The following PDE4D variants were observed in gnomAD, a reference collection of about 807,000 sequenced individuals.
The protein encoded by PDE4D is phosphodiesterase 4D.
PDE4D carries 24 observed loss-of-function variants against 87.4 expected under a neutral mutation model. That is an observed-to-expected ratio of 0.27 (90% confidence interval 0.20 to 0.39). The LOEUF (loss-of-function observed/expected upper bound fraction) is 0.39. PDE4D is among the 10% of genes least tolerant of loss of function. PDE4D has a pLI of 1.00. For missense variants in PDE4D, 714 were observed against 1,041.0 expected (o/e 0.69, Z 4.32); for synonymous variants, 384 against 383.2 (o/e 1.00, Z -0.02).
chr5:60,387,545 C>T (rs1762275035), intron 1 of PDE4D, among the ~76,000 whole-genome samples: 1 of 152,190 alleles, frequency 6.6e-6, no homozygotes, highest in African/African-American at 2.4e-5. Flanking sequence ...GTGACAGGGG[C>T]AGAGATGCCT....
upstream of PDE4D, chr5:60,490,084 C>G (rs1749449018): frequency 6.6e-6 from 1 of 152,218 alleles, no homozygotes; most frequent in Non-Finnish European, 1.5e-5. Context: ...CAATATACAA[C>G]TGAGTTACAG....
chr5:59,420,707 CAAG>C (rs1288498306), intron 1 of PDE4D, among the ~76,000 whole-genome samples: 2 of 124,362 alleles, frequency 1.6e-5, no homozygotes, highest in Non-Finnish European at 3.5e-5. Flanking sequence ...AAAAAAAAAA[CAAG>C]AAAAGAAAAT....
intron 1 of PDE4D, among the ~76,000 whole-genome samples, chr5:59,325,927 C>T (rs1775555575): frequency 1.3e-5 from 2 of 151,996 alleles, no homozygotes; most frequent in Admixed American, 6.6e-5. Context: ...CCATGGAATG[C>T]TATGCAGCCA....
At chr5:59,812,949 G>A (rs1471007102) in intron 1 of PDE4D, among the ~76,000 whole-genome samples, 1 of 152,238 alleles carries the variant, frequency 6.6e-6, no homozygotes, top group Non-Finnish European at 1.5e-5. Context: ...TCAGGCTGCT[G>A]TATTTCATTT....
At chr5:60,400,143 A>G (rs913760276) in intron 1 of PDE4D, among the ~76,000 whole-genome samples, 3 of 152,188 alleles carry the variant, frequency 2.0e-5, no homozygotes, top group Non-Finnish European at 4.4e-5. Context: ...TCACAAAGTG[A>G]CCACTGCCTC....
intron 2 of PDE4D, among the ~76,000 whole-genome samples, chr5:60,116,071 T>C (rs1355972669): frequency 6.6e-6 from 1 of 152,114 alleles, no homozygotes; most frequent in Non-Finnish European, 1.5e-5. Flanking sequence ...CCTGCCACAA[T>C]GCTTGGACTA....
At chr5:60,418,784 T>C (rs187716744) in intron 1 of PDE4D, among the ~76,000 whole-genome samples, 3 of 152,156 alleles carry the variant, frequency 2.0e-5, no homozygotes, top group Non-Finnish European at 4.4e-5. Flanking sequence ...AGTTACTAAC[T>C]CTAGTCACCC....
At chr5:59,196,846 A>G (rs572814135) in intron 2 of PDE4D, among the ~76,000 whole-genome samples, 11 of 152,182 alleles carry the variant, frequency 7.2e-5, no homozygotes, top group Non-Finnish European at 1.5e-4. Context: ...TGGGAGGTAT[A>G]TTACACAAGG....
At chr5:59,729,644 T>C (rs955683892) in intron 1 of PDE4D, among the ~76,000 whole-genome samples, 2 of 152,034 alleles carry the variant, frequency 1.3e-5, no homozygotes, top group Non-Finnish European at 2.9e-5. Flanking sequence ...TCACTTAGTA[T>C]ATTTTAACTA....
intron 1 of PDE4D, among the ~76,000 whole-genome samples, chr5:60,315,625 AC>A: frequency 6.6e-6 from 1 of 152,340 alleles, no homozygotes; most frequent in South Asian, 2.1e-4. Context: ...TTTAGGTCTA[AC>A]ATTTAAGTCT....
chr5:59,751,823 T>A (rs1014934304), intron 1 of PDE4D, among the ~76,000 whole-genome samples: 6 of 152,138 alleles, frequency 3.9e-5, no homozygotes, highest in African/African-American at 1.4e-4. Flanking sequence ...CTCTCCCTGC[T>A]GAAATCTCCC....
At chr5:59,860,429 A>T (rs1306662339) in intron 1 of PDE4D, among the ~76,000 whole-genome samples, 2 of 151,814 alleles carry the variant, frequency 1.3e-5, no homozygotes, top group Non-Finnish European at 2.9e-5. Flanking sequence ...CCACTAAGTG[A>T]TTTTTTTCTA....
chr5:58,980,760 G>C (rs769508590), intron 11 of PDE4D, among the ~76,000 whole-genome samples: 3 of 152,066 alleles, frequency 2.0e-5, no homozygotes, highest in Non-Finnish European at 4.4e-5. Context: ...TTCTCTCTCT[G>C]TATTAATCAT....
chr5:60,363,305 A>C (rs1760238912), intron 1 of PDE4D, among the ~76,000 whole-genome samples: 1 of 152,194 alleles, frequency 6.6e-6, no homozygotes, highest in South Asian at 2.1e-4. Flanking sequence ...TTTGCTGCTC[A>C]AATCATGTAG....
chr5:59,705,799 T>C (rs1306483894), intron 1 of PDE4D, among the ~76,000 whole-genome samples: 1 of 152,166 alleles, frequency 6.6e-6, no homozygotes, highest in East Asian at 1.9e-4. Flanking sequence ...CTTGACATAG[T>C]AATCCATTGA....
intron 2 of PDE4D, among the ~76,000 whole-genome samples, chr5:60,098,248 A>T (rs746513682): frequency 2.0e-5 from 3 of 151,890 alleles, no homozygotes; most frequent in Non-Finnish European, 4.4e-5. Context: ...TAGGAAAACT[A>T]TAGTTAACAA....
chr5:59,471,277 G>A (rs1802400798), intron 1 of PDE4D, among the ~76,000 whole-genome samples: 1 of 152,080 alleles, frequency 6.6e-6, no homozygotes, highest in African/African-American at 2.4e-5. Flanking sequence ...TAAATGGAAT[G>A]GAATGACTTT....
At chr5:59,286,885 AT>A (rs1355058534) in intron 1 of PDE4D, among the ~76,000 whole-genome samples, 7 of 150,122 alleles carry the variant, frequency 4.7e-5, no homozygotes, top group African/African-American at 1.7e-4. Context: ...AAGACCATTT[AT>A]TTTTTATTTC....
chr5:59,249,200 A>G (rs1248227568), intron 1 of PDE4D, among the ~76,000 whole-genome samples: 2 of 152,190 alleles, frequency 1.3e-5, no homozygotes, highest in Non-Finnish European at 2.9e-5. Context: ...ATGGCTAATA[A>G]AAATATTAAA....
Sources: gnomAD v4.1 joint callset for allele counts (sites outside exome capture counted in the v4.1 genomes callset) on GRCh38, gnomAD v4.1.1 for gene constraint, MANE v1.5 for transcripts, NCBI Gene and HGNC (gene_info 2026-07-23, HGNC 2026-07-21) for gene names.